Variants in TCF4 observed in about 807,000 individuals in gnomAD.
TCF4 encodes the protein transcription factor 4, also known as SL3-3 enhancer factor 2.
A neutral mutation model predicts 82.1 loss-of-function variants in TCF4; 3 were observed. The ratio of observed to expected loss-of-function variants is 0.04; its 90% CI spans 0.02 to 0.09. TCF4 has a LOEUF of 0.09. Among genes scored for constraint, TCF4 ranks in the 10% least tolerant of loss-of-function variants. The probability of loss-of-function intolerance (pLI) is 1.00; values close to 1 mark genes in which losing one functional copy is unlikely to be tolerated. For missense variants in TCF4, 518 were observed against 852.7 expected (o/e 0.61, Z 4.89); for synonymous variants, 276 against 309.6 (o/e 0.89, Z 1.14).
chr18:55,264,926 A>G (rs939305265), intron 11 of TCF4: 2 of 152,206 alleles, frequency 1.3e-5, no homozygotes, highest in Admixed American at 6.5e-5. Context: ...AGGCTTCGAC[A>G]CTGCCTGCCA....
intron 8 of TCF4, among the ~76,000 whole-genome samples, chr18:55,318,656 C>T (rs1467562913): frequency 6.6e-6 from 1 of 152,092 alleles, no homozygotes; most frequent in Non-Finnish European, 1.5e-5. Context: ...TCAGAGTCCA[C>T]ACTTCTGGAC....
At chr18:55,631,657 C>T (rs930295363) in intron 1 of TCF4, among the ~76,000 whole-genome samples, 3 of 152,126 alleles carry the variant, frequency 2.0e-5, no homozygotes, top group Non-Finnish European at 4.4e-5. Context: ...AAAAACAAAG[C>T]CATTGTTGCA....
chr18:55,546,963 A>C (rs1367234678), intron 3 of TCF4: 2 of 152,280 alleles, frequency 1.3e-5, no homozygotes, highest in Admixed American at 1.3e-4. Flanking sequence ...ACAGGGACAG[A>C]AAACCACAGA....
rs1040815877 is a variant in TCF4 at position 55,222,606 on chromosome 18, A to T, written c.*5429T>A. On this transcript the variant is annotated 3_prime_UTR_variant, in exon 20 of 20. Transcript: ENST00000354452. ...AGAAAGAATACAAGAGCAATATTGGAGACATCCCCAAATACCACGTACTTG... is the reference window on the plus strand; with the variant it reads ...AGAAAGAATACAAGAGCAATATTGGTGACATCCCCAAATACCACGTACTTG... 2 of 152,636 alleles carry T rather than the reference A, an allele frequency of 1.3e-5. No individual in the cohort carries two copies. The highest frequency in any genetic ancestry group is 4.8e-5 in the African/African-American group (2 of 41,446). 9.5% of individuals were successfully genotyped at this position (152,636 alleles called of 1,614,324 possible). A position where few individuals can be genotyped will look rare whatever the true frequency, so the allele number is the denominator to read the frequency against.
At chr18:55,255,875 T>C (rs1316559688) in intron 14 of TCF4, among the ~76,000 whole-genome samples, 1 of 152,198 alleles carries the variant, frequency 6.6e-6, no homozygotes, top group Admixed American at 6.6e-5. Flanking sequence ...TGCAAACAAG[T>C]GTACCAGCTC....
chr18:55,541,881 T>C (rs1051777212), intron 3 of TCF4, among the ~76,000 whole-genome samples: 1 of 151,968 alleles, frequency 6.6e-6, no homozygotes, highest in African/African-American at 2.4e-5. Flanking sequence ...TATTAGATAA[T>C]GACACTCATA....
chr18:55,550,068 C>T (rs1186209333), intron 3 of TCF4, among the ~76,000 whole-genome samples: 1 of 152,106 alleles, frequency 6.6e-6, no homozygotes, highest in Non-Finnish European at 1.5e-5. Context: ...TAACATGAAA[C>T]ACTTGTAGAA....
At chr18:55,589,109 C>A (rs78612386), upstream of TCF4, among the ~76,000 whole-genome samples, 2 of 150,846 alleles carry the variant, frequency 1.3e-5, no homozygotes, top group Non-Finnish European at 3.0e-5. Flanking sequence ...AAAAAAAAAA[C>A]ACACATTCTA....
At chr18:55,555,864 G>A (rs2147218090) in intron 3 of TCF4, among the ~76,000 whole-genome samples, 1 of 152,236 alleles carries the variant, frequency 6.6e-6, no homozygotes, top group Non-Finnish European at 1.5e-5. Flanking sequence ...CAAATTAATG[G>A]ACTGCCTGTG....
At chr18:55,475,905 T>C (rs1404480252) in intron 3 of TCF4, among the ~76,000 whole-genome samples, 2 of 152,208 alleles carry the variant, frequency 1.3e-5, no homozygotes, top group Admixed American at 6.5e-5. Flanking sequence ...TATTTTACTA[T>C]TAATTTTGAA....
chr18:55,534,677 C>G (rs994058981), intron 3 of TCF4, among the ~76,000 whole-genome samples: 1 of 152,218 alleles, frequency 6.6e-6, no homozygotes, highest in Non-Finnish European at 1.5e-5. Context: ...GGACTCTTCT[C>G]AAGTGAAACT....
chr18:55,505,665 G>A (rs929623417), intron 3 of TCF4, among the ~76,000 whole-genome samples: 12 of 151,074 alleles, frequency 7.9e-5, no homozygotes, highest in Non-Finnish European at 1.6e-4. Context: ...TTAGCCGGGC[G>A]TAGTGGCGGG....
intron 3 of TCF4, among the ~76,000 whole-genome samples, chr18:55,537,645 A>G (rs1310862007): frequency 6.6e-6 from 1 of 152,104 alleles, no homozygotes. Context: ...ATTCCTATAA[A>G]ACAGAATAAA....
chr18:55,299,518 C>T (rs2067509542), intron 8 of TCF4, among the ~76,000 whole-genome samples: 1 of 148,098 alleles, frequency 6.8e-6, no homozygotes, highest in African/African-American at 2.5e-5. Flanking sequence ...ATGTTAATGG[C>T]AGCATTTACT....
At chr18:55,472,832 T>A (rs990121253) in intron 3 of TCF4, among the ~76,000 whole-genome samples, 6 of 152,190 alleles carry the variant, frequency 3.9e-5, no homozygotes, top group Admixed American at 2.0e-4. Context: ...CAAGGAAGTT[T>A]TTAAGTAGGT....
chr18:55,590,727 C>G (rs2097683866), upstream of TCF4, among the ~76,000 whole-genome samples: 2 of 152,178 alleles, frequency 1.3e-5, no homozygotes, highest in African/African-American at 4.8e-5. Context: ...AACAGAAAAG[C>G]AAGTAATAAT....
chr18:55,485,819 C>T (rs946974827), intron 3 of TCF4, among the ~76,000 whole-genome samples: 6 of 152,206 alleles, frequency 3.9e-5, no homozygotes, highest in Admixed American at 2.6e-4. Context: ...CAGTCCCTGA[C>T]TTGATGAAGG....
At chr18:55,228,097 TA>T (rs200718577) in intron 19 of TCF4, 67 bp from the exon 20 acceptor site, 40 of 1,274,550 alleles carry the variant, frequency 3.1e-5, no homozygotes, top group Non-Finnish European at 4.2e-5. Context: ...ATGCTTTTTT[TA>T]AAAAAAATTC....
rs1203068983 is a variant in TCF4, at chr18:55,335,974, T to TA, written c.549+14384dup. Among the ~76,000 whole-genome samples, 4 of 151,820 alleles carry TA rather than the reference T, an allele frequency of 2.6e-5. No individual in the cohort carries two copies. In the South Asian group the frequency reaches 6.2e-4, roughly 24 times the overall value. Reference sequence around the variant, plus strand: ...GGGTAATACAGTGTGATAAGCAGCTTAGACATCAAAATAGTAAAAAGGAAA... The same window carrying TA: ...GGGTAATACAGTGTGATAAGCAGCTTAAGACATCAAAATAGTAAAAAGGAAA... On this transcript the variant is annotated intron_variant, in intron 8 of 19. Coordinates refer to ENST00000354452, the MANE Select transcript of TCF4 (RefSeq NM_001083962.2).
Sources: allele counts gnomAD v4.1 joint callset (sites outside exome capture counted in the v4.1 genomes callset), GRCh38; gene constraint gnomAD v4.1.1; transcripts MANE v1.5; gene names NCBI Gene and HGNC (gene_info 2026-07-23, HGNC 2026-07-21).